Variants in NELL1 observed in about 807,000 individuals in gnomAD.
NELL1 encodes neural EGFL like 1.
A neutral mutation model predicts 107.4 loss-of-function variants in NELL1; 76 were observed. The observed-to-expected ratio is 0.71, with a 90% CI of 0.59 to 0.86. NELL1 has a LOEUF of 0.86. NELL1 is among the 40% of genes least tolerant of loss of function. The probability of loss-of-function intolerance (pLI) is 0.00; values close to 1 mark genes in which losing one functional copy is unlikely to be tolerated. For missense variants in NELL1, 1,024 were observed against 1,005.5 expected, an observed-to-expected ratio of 1.02 and a Z score of -0.25; for synonymous variants, 353 against 341.2, an observed-to-expected ratio of 1.03 and a Z score of -0.38.
chr11:21,486,963 T>A (rs897038796), intron 15 of NELL1, among the ~76,000 whole-genome samples: 6 of 152,118 alleles, frequency 3.9e-5, no homozygotes, highest in African/African-American at 7.2e-5. Flanking sequence ...GACTTTGTGG[T>A]GTTTGGGACA....
chr11:21,062,288 T>C (rs1178157322), intron 12 of NELL1, among the ~76,000 whole-genome samples: 4 of 152,194 alleles, frequency 2.6e-5, no homozygotes, highest in Non-Finnish European at 5.9e-5. Context: ...AACATTAGCT[T>C]TACCCTTTTG....
chr11:20,717,500 T>C (rs1230980130), intron 2 of NELL1, among the ~76,000 whole-genome samples: 1 of 152,060 alleles, frequency 6.6e-6, no homozygotes, highest in East Asian at 1.9e-4. Flanking sequence ...TCCTTATAAA[T>C]AGAGGTTCTA....
At chr11:21,219,447 T>A (rs998187487) in intron 13 of NELL1, among the ~76,000 whole-genome samples, 1 of 152,202 alleles carries the variant, frequency 6.6e-6, no homozygotes, top group Non-Finnish European at 1.5e-5. Flanking sequence ...TATACTCTGT[T>A]GTTTCTTTCC....
In NELL1 at chr11:21,458,020, G is replaced by GTGAT. The variant is rs139212589; in HGVS notation, c.1646-76353_1646-76350dup. On this transcript the variant is annotated intron_variant, in intron 15 of 19. Coordinates refer to ENST00000357134, the MANE Select transcript of NELL1 (RefSeq NM_006157.5). ...ATTGAGATGACAATAGGAAGATCAG[G>GTGAT]TGATGGAGACCAAGGCCAAAGACTA... 2.2e-4 allele frequency among the ~76,000 whole-genome samples: 4 copies of GTGAT among 18,210 alleles called. No individual in the cohort carries two copies. The East Asian group carries it at 9.6e-3, about 44-fold the overall frequency. 11.9% of individuals were successfully genotyped at this position (18,210 alleles called of 152,430 possible).
intron 14 of NELL1, among the ~76,000 whole-genome samples, chr11:21,276,956 C>T (rs1467466343): frequency 6.6e-6 from 1 of 151,418 alleles, no homozygotes; most frequent in Non-Finnish European, 1.5e-5. Context: ...TAGAAGAAAA[C>T]CTAGGCAATA....
chr11:21,239,325 C>T (rs959834970), intron 14 of NELL1, among the ~76,000 whole-genome samples: 2 of 151,950 alleles, frequency 1.3e-5, no homozygotes, highest in African/African-American at 4.8e-5. Context: ...ACTATATTTC[C>T]CATCATACCT....
intron 5 of NELL1, among the ~76,000 whole-genome samples, chr11:20,894,880 C>T (rs974878557): frequency 2.0e-5 from 3 of 152,056 alleles, no homozygotes; most frequent in East Asian, 1.9e-4. Context: ...ATGTATATAA[C>T]GTATAGTGAT....
chr11:21,014,772 TTTATCCAATTTAA>T (rs1255514339), intron 12 of NELL1, among the ~76,000 whole-genome samples: 1 of 152,110 alleles, frequency 6.6e-6, no homozygotes, highest in Non-Finnish European at 1.5e-5. Context: ...AATTAGTTTG[TTTATCCAATTTAA>T]TTAACTTGAA....
intron 5 of NELL1, among the ~76,000 whole-genome samples, chr11:20,893,730 T>A (rs1849666137): frequency 6.6e-6 from 1 of 151,356 alleles, no homozygotes; most frequent in Non-Finnish European, 1.5e-5. Context: ...TCAATTTAAG[T>A]GATTTACACT....
At chr11:20,912,549 C>G (rs191216937) in intron 5 of NELL1, among the ~76,000 whole-genome samples, 1 of 152,126 alleles carries the variant, frequency 6.6e-6, no homozygotes, top group Admixed American at 6.6e-5. Flanking sequence ...GTTGAGTGTT[C>G]TGACAGTTTC....
At chr11:20,733,936 CTG>C in intron 2 of NELL1, among the ~76,000 whole-genome samples, 1 of 152,206 alleles carries the variant, frequency 6.6e-6, no homozygotes, top group Admixed American at 6.5e-5. Flanking sequence ...TAATAAGACT[CTG>C]TTAGTGACAA....
chr11:20,717,428 G>A (rs1318168913), intron 2 of NELL1, among the ~76,000 whole-genome samples: 1 of 151,908 alleles, frequency 6.6e-6, no homozygotes, highest in African/African-American at 2.4e-5. Flanking sequence ...CTTTTGCCTG[G>A]AAGACCTCTT....
chr11:21,267,234 T>A (rs1848653367), intron 14 of NELL1, among the ~76,000 whole-genome samples: 1 of 152,116 alleles, frequency 6.6e-6, no homozygotes, highest in Non-Finnish European at 1.5e-5. Context: ...TCAAATAGTG[T>A]GTGCAATAAT....
At chr11:21,024,940 C>G (rs187179499) in intron 12 of NELL1, among the ~76,000 whole-genome samples, 1 of 152,102 alleles carries the variant, frequency 6.6e-6, no homozygotes, top group African/African-American at 2.4e-5. Flanking sequence ...AGTGTTTCTT[C>G]ATCTCAATCT....
At chr11:21,375,717 T>G (rs1333614380) in intron 15 of NELL1, among the ~76,000 whole-genome samples, 1 of 152,092 alleles carries the variant, frequency 6.6e-6, no homozygotes, top group Non-Finnish European at 1.5e-5. Context: ...GCATCTGTTG[T>G]TTTTTGACTT....
At chr11:20,841,618 A>G (rs78864240) in intron 3 of NELL1, among the ~76,000 whole-genome samples, 15,214 of 152,200 alleles carry the variant, frequency 0.1, 846 homozygotes, top group South Asian at 0.12. Flanking sequence ...ATTTAGTTCA[A>G]TAGTTTAAAA....
At chr11:21,315,365 GT>G (rs1200991912) in intron 14 of NELL1, among the ~76,000 whole-genome samples, 1 of 152,166 alleles carries the variant, frequency 6.6e-6, no homozygotes, top group African/African-American at 2.4e-5. Flanking sequence ...CAGTGACCCA[GT>G]TAAGACACAA....
intron 3 of NELL1, among the ~76,000 whole-genome samples, chr11:20,789,854 T>C (rs2133989586): frequency 6.6e-6 from 1 of 152,214 alleles, no homozygotes; most frequent in East Asian, 1.9e-4. Flanking sequence ...TCTGCAGCTC[T>C]CAGCAGAGAG....
chr11:20,766,740 A>AT (rs202218877), intron 2 of NELL1, among the ~76,000 whole-genome samples: 7,803 of 139,680 alleles, frequency 0.056, 547 homozygotes, highest in African/African-American at 0.16. Flanking sequence ...CTATTGACAT[A>AT]TTTTTTTTTT....
Sources: gnomAD v4.1 joint callset for allele counts (sites outside exome capture counted in the v4.1 genomes callset) on GRCh38, gnomAD v4.1.1 for gene constraint, MANE v1.5 for transcripts, NCBI Gene and HGNC (gene_info 2026-07-23, HGNC 2026-07-21) for gene names.